MPPED2: variants seen among roughly 807,000 people sequenced by gnomAD.
MPPED2 encodes metallophosphoesterase MPPED2.
A neutral mutation model predicts 33.0 loss-of-function variants in MPPED2; 5 were observed. The ratio of observed to expected loss-of-function variants is 0.15; its 90% CI spans 0.08 to 0.32. The LOEUF (loss-of-function observed/expected upper bound fraction) is 0.32, where lower values mean the gene tolerates loss of function less well. Ranked by LOEUF, MPPED2 falls within the 10% of genes least tolerant of loss-of-function variation. MPPED2 has a pLI of 1.00. For synonymous variants in MPPED2, 136 were observed against 141.9 expected (o/e 0.96, Z 0.29); for missense variants, 275 against 372.1 (o/e 0.74, Z 2.15).
chr11:30,411,716 C>G, intron 6 of MPPED2, 130 bp from the exon 7 acceptor site: 1 of 541,922 alleles, frequency 1.8e-6, no homozygotes, highest in South Asian at 5.4e-5. Flanking sequence ...TGAGCCTCCT[C>G]AGATATAATG....
At chr11:30,551,333 T>C (rs1336608869) in intron 2 of MPPED2, among the ~76,000 whole-genome samples, 1 of 152,142 alleles carries the variant, frequency 6.6e-6, no homozygotes, top group East Asian at 1.9e-4. Context: ...ACTTACAAGG[T>C]TACATAATTT....
chr11:30,490,628 C>T (rs538385658), intron 4 of MPPED2, among the ~76,000 whole-genome samples: 63 of 152,172 alleles, frequency 4.1e-4, no homozygotes, highest in African/African-American at 1.1e-3. Context: ...CATTCAAAGC[C>T]TCTTCCTTGG....
At chr11:30,493,595 C>CAAA (rs5790817) in intron 4 of MPPED2, among the ~76,000 whole-genome samples, 1 of 143,626 alleles carries the variant, frequency 7.0e-6, no homozygotes, top group Non-Finnish European at 1.5e-5. Context: ...TATACACCCT[C>CAAA]AAAAAAAAAA....
chr11:30,533,164 G>A (rs1340896027), intron 3 of MPPED2, among the ~76,000 whole-genome samples: 4 of 152,156 alleles, frequency 2.6e-5, no homozygotes, highest in African/African-American at 7.2e-5. Context: ...ACAGCCCCAT[G>A]TCTACTAGCT....
At chr11:30,575,885 A>C (rs576212905) in intron 2 of MPPED2, among the ~76,000 whole-genome samples, 12 of 152,240 alleles carry the variant, frequency 7.9e-5, no homozygotes, top group Non-Finnish European at 1.5e-4. Flanking sequence ...GACAAACCAA[A>C]ATCCCACCTA....
At chr11:30,471,130 T>C (rs1013846085) in intron 4 of MPPED2, among the ~76,000 whole-genome samples, 18 of 152,222 alleles carry the variant, frequency 1.2e-4, no homozygotes, top group African/African-American at 3.9e-4. Flanking sequence ...CCATTAGTTC[T>C]AAACCTTTCA....
At chr11:30,464,268 A>AAC (rs10660237) in intron 4 of MPPED2, among the ~76,000 whole-genome samples, 66,682 of 145,836 alleles carry the variant, frequency 0.46, 15,364 homozygotes, top group Middle Eastern at 0.53. Flanking sequence ...AAAGGATACT[A>AAC]ACACACACAC....
intron 3 of MPPED2, among the ~76,000 whole-genome samples, chr11:30,498,589 A>G (rs1235354204): frequency 6.6e-6 from 1 of 151,720 alleles, no homozygotes; most frequent in Non-Finnish European, 1.5e-5. Context: ...AACCAGTTTC[A>G]TCGTTCCCAA....
At position 30,586,277 on chromosome 11, in the gene MPPED2, C is replaced by T. The variant is rs1197443291; in HGVS notation, c.-357G>A. 6.5e-6 allele frequency: 1 copy of T among 153,284 alleles called. No homozygotes were observed. Among genetic ancestry groups the T allele is most frequent in the African/African-American group, 2.4e-5 (1 of 41,422 alleles). The allele number at this position is 153,284 out of a possible 1,614,324, so 9.5% of individuals were successfully genotyped here. A position where few individuals can be genotyped will look rare whatever the true frequency, so the allele number is the denominator to read the frequency against. ...GAGAAAGGACCCGAGCAGCCTCGAT[C>T]TGGGGAGAGAGCGAGCGAGGGGGCG... On this transcript the variant is annotated 5_prime_UTR_variant, in exon 1 of 7. Transcript: ENST00000358117. The surrounding 1 kb of genome is among the most constrained non-coding windows in gnomAD (Gnocchi z 4.8).
chr11:30,462,616 A>T (rs1237339177), intron 4 of MPPED2, among the ~76,000 whole-genome samples: 2 of 152,316 alleles, frequency 1.3e-5, no homozygotes, highest in East Asian at 1.9e-4. Flanking sequence ...CTGGCCAGCA[A>T]TCTATTTTCC....
chr11:30,465,310 T>C (rs1950662139), intron 4 of MPPED2, among the ~76,000 whole-genome samples: 1 of 152,154 alleles, frequency 6.6e-6, no homozygotes, highest in Non-Finnish European at 1.5e-5. Context: ...TCTTTGGAGA[T>C]AGGGTCTCAC....
intron 3 of MPPED2, among the ~76,000 whole-genome samples, chr11:30,513,087 G>T (rs1300489175): frequency 6.6e-6 from 1 of 151,930 alleles, no homozygotes; most frequent in East Asian, 1.9e-4. Context: ...AGTGGGCCAT[G>T]ACCTTAAAAA....
chr11:30,410,756 T>C lies in MPPED2; in HGVS notation c.*712A>G. The C allele has an allele frequency of 2.0e-6, 2 of 985,056 alleles. No individual in the cohort carries two copies. Among genetic ancestry groups the C allele is most frequent in the Non-Finnish European group, 1.2e-6 (1 of 829,190 alleles). 61.0% of individuals were successfully genotyped at this position (985,056 alleles called of 1,614,324 possible). ...GAAAAGGAGTCTGCATGTTCATTTT[T>C]TTAACCGTATGAAATACCTGCTCTT... On this transcript the variant is annotated 3_prime_UTR_variant, in exon 7 of 7. Transcript: ENST00000358117.
intron 4 of MPPED2, among the ~76,000 whole-genome samples, chr11:30,488,428 C>T (rs1951833079): frequency 6.6e-6 from 1 of 152,150 alleles, no homozygotes; most frequent in East Asian, 1.9e-4. Context: ...CCACATTCTT[C>T]CATACAACCA....
rs1380015 is a variant in MPPED2, at chr11:30,493,714, T to A, written c.536+1582A>T. On this transcript the variant is annotated intron_variant, in intron 4 of 6. Coordinates refer to ENST00000358117, the MANE Select transcript of MPPED2 (RefSeq NM_001584.3). ...CCTAAATGACTTGCCTAAGTTCACA[T>A]AAATACTTAGTGGGAGAGCCCAAGG... Among the ~76,000 whole-genome samples, 351 of 151,684 alleles carry A rather than the reference T, an allele frequency of 2.3e-3. 1 individual carries two copies. The highest frequency in any genetic ancestry group is 8.1e-3 in the African/African-American group (335 of 41,376).
chr11:30,443,886 C>T (rs558917992), intron 4 of MPPED2, among the ~76,000 whole-genome samples: 211 of 152,204 alleles, frequency 1.4e-3, no homozygotes, highest in Middle Eastern at 0.01. Context: ...CATAGTAATC[C>T]GAGGCTTGGA....
chr11:30,497,658 A>G (rs902680019), intron 3 of MPPED2, among the ~76,000 whole-genome samples: 2 of 151,202 alleles, frequency 1.3e-5, no homozygotes, highest in African/African-American at 2.5e-5. Flanking sequence ...ACTAGCCACT[A>G]TGGCAAAGGA....
At chr11:30,548,554 A>G (rs1037365128) in intron 2 of MPPED2, among the ~76,000 whole-genome samples, 4 of 152,192 alleles carry the variant, frequency 2.6e-5, no homozygotes, top group Non-Finnish European at 4.4e-5. Context: ...CCCAGTGCAT[A>G]TCGAATGCTC....
chr11:30,456,453 C>T (rs902751854), intron 4 of MPPED2, among the ~76,000 whole-genome samples: 33 of 152,254 alleles, frequency 2.2e-4, no homozygotes, highest in Admixed American at 7.2e-4. Flanking sequence ...GGGTCACATT[C>T]CATACATCAC....
Sources: gnomAD v4.1 joint callset for allele counts (sites outside exome capture counted in the v4.1 genomes callset) on GRCh38, gnomAD v4.1.1 for gene constraint, Gnocchi (gnomAD v3.1) non-coding constraint, MANE v1.5 for transcripts, NCBI Gene and HGNC (gene_info 2026-07-23, HGNC 2026-07-21) for gene names.